CLSTN2: variants seen among roughly 807,000 people sequenced by gnomAD.
CLSTN2 encodes the protein calsyntenin 2, also known as calsyntenin-2.
Under a neutral mutation model 101.2 loss-of-function variants are expected in CLSTN2, and 48 were observed. The ratio of observed to expected loss-of-function variants is 0.47; its 90% CI spans 0.38 to 0.60. CLSTN2 has a LOEUF of 0.60. Ranked by LOEUF, CLSTN2 falls within the 20% of genes least tolerant of loss-of-function variation. The pLI is 0.00. For missense variants in CLSTN2, 1,160 were observed against 1,238.2 expected (o/e 0.94, Z 0.95); for synonymous variants, 481 against 463.6 (o/e 1.04, Z -0.48).
chr3:140,014,588 G>A (rs2007157499), intron 1 of CLSTN2, among the ~76,000 whole-genome samples: 1 of 152,104 alleles, frequency 6.6e-6, no homozygotes, highest in Admixed American at 6.5e-5. Context: ...AGAAGAAGAT[G>A]AGCAAGTGGG....
chr3:140,524,663 C>T (rs140236397), intron 8 of CLSTN2, among the ~76,000 whole-genome samples: 117 of 152,240 alleles, frequency 7.7e-4, no homozygotes, highest in African/African-American at 2.5e-3. Flanking sequence ...GCACATGGAA[C>T]GTATTCTAAG....
chr3:140,439,686 G>A lies in CLSTN2; in HGVS notation c.788-8833G>A, dbSNP rs867261126. 3.3e-5 allele frequency among the ~76,000 whole-genome samples: 5 copies of A among 152,260 alleles called. No individual in the cohort carries two copies. The South Asian group carries it at 6.2e-4, about 19-fold the overall frequency. ...ACATTTCAATTCAGGTGGGTGGGGG[G>A]TGTGCACACATACACAGCACACACA... On this transcript the variant is annotated intron_variant, in intron 5 of 16. Transcript: ENST00000458420.
intron 1 of CLSTN2, among the ~76,000 whole-genome samples, chr3:140,082,015 T>C (rs2008606942): frequency 6.6e-6 from 1 of 152,202 alleles, no homozygotes; most frequent in Non-Finnish European, 1.5e-5. Flanking sequence ...AGGGCATTTC[T>C]CTCCAGCTTT....
At position 140,530,944 on chromosome 3, in the gene CLSTN2, C is replaced by A. The variant is rs149191598; in HGVS notation, c.1345-1380C>A. ...CTATCCTTGATTGCAAACCCCAAGC[C>A]CAGGGTGCTCCTACCTCTTTGGGTT... On this transcript the variant is annotated intron_variant, in intron 8 of 16. Transcript: ENST00000458420. Among the ~76,000 whole-genome samples, 585 of 152,310 alleles carry A rather than the reference C, an allele frequency of 3.8e-3. 2 individuals carry two copies. The highest frequency in any genetic ancestry group is 6.1e-3 in the Non-Finnish European group (414 of 68,022).
chr3:140,546,745 G>A lies in CLSTN2; in HGVS notation c.1674+64G>A, dbSNP rs59364093. The A allele has an allele frequency of 4.4e-4, 601 of 1,381,154 alleles. 5 individuals are homozygous for A. The African/African-American group carries it at 8.0e-3, about 18-fold the overall frequency. 85.6% of individuals were successfully genotyped at this position (1,381,154 alleles called of 1,614,324 possible). ...ATTCATGATGCCCAGCCTGCACAGC[G>A]CCAGCACACGCCAGGAAATGGAGCT... is the stretch of plus-strand genomic sequence containing the variant. On this transcript the variant is annotated intron_variant, in intron 10 of 16. Coordinates refer to ENST00000458420, the MANE Select transcript of CLSTN2 (RefSeq NM_022131.3).
At chr3:140,123,147 G>A (rs1187896236) in intron 1 of CLSTN2, among the ~76,000 whole-genome samples, 1 of 122,592 alleles carries the variant, frequency 8.2e-6, no homozygotes, top group Non-Finnish European at 1.6e-5. Flanking sequence ...ATGATACCTT[G>A]TTACTGTGTC....
chr3:140,547,814 C>A (rs1935627230), intron 10 of CLSTN2, among the ~76,000 whole-genome samples: 2 of 152,174 alleles, frequency 1.3e-5, no homozygotes, highest in Non-Finnish European at 2.9e-5. Context: ...TAGTGGACCC[C>A]AGTGTGAAAA....
intron 1 of CLSTN2, among the ~76,000 whole-genome samples, chr3:140,126,449 G>A (rs12233427): frequency 2.0e-5 from 3 of 151,840 alleles, no homozygotes; most frequent in African/African-American, 7.3e-5. Flanking sequence ...TCCTAGAAGA[G>A]TTTTGCACAT....
intron 1 of CLSTN2, among the ~76,000 whole-genome samples, chr3:139,955,452 G>A (rs1022515662): frequency 4.6e-5 from 7 of 152,064 alleles, no homozygotes; most frequent in South Asian, 2.1e-4. Context: ...ACAACTTAGC[G>A]AAACAGTGAC....
intron 1 of CLSTN2, among the ~76,000 whole-genome samples, chr3:139,995,911 C>G (rs2006641569): frequency 6.6e-6 from 1 of 152,160 alleles, no homozygotes; most frequent in Non-Finnish European, 1.5e-5. Context: ...TTGGATTAAT[C>G]ATAATTATTT....
At chr3:140,466,155 T>G (rs1576583515) in intron 7 of CLSTN2, among the ~76,000 whole-genome samples, 1 of 152,198 alleles carries the variant, frequency 6.6e-6, no homozygotes, top group Non-Finnish European at 1.5e-5. Context: ...GTGGTCACTG[T>G]TGTCACTGCT....
intron 8 of CLSTN2, among the ~76,000 whole-genome samples, chr3:140,530,003 G>GA (rs1326900151): frequency 6.6e-6 from 1 of 152,074 alleles, no homozygotes; most frequent in Non-Finnish European, 1.5e-5. Context: ...AACCTTTGCA[G>GA]AAAAAAACAT....
At chr3:139,936,305 C>T (rs1273700022) in intron 1 of CLSTN2, among the ~76,000 whole-genome samples, 1 of 152,108 alleles carries the variant, frequency 6.6e-6, no homozygotes, top group Non-Finnish European at 1.5e-5. Context: ...GGGTCTGAAA[C>T]AGGAGGTCAC....
intron 2 of CLSTN2, among the ~76,000 whole-genome samples, chr3:140,366,219 A>C (rs1182930080): frequency 6.6e-6 from 1 of 152,140 alleles, no homozygotes; most frequent in Non-Finnish European, 1.5e-5. Flanking sequence ...CCTCCCAGAA[A>C]CTGCTGGCTA....
chr3:140,180,501 A>T (rs1394477794), intron 2 of CLSTN2, among the ~76,000 whole-genome samples: 1 of 152,224 alleles, frequency 6.6e-6, no homozygotes, highest in East Asian at 1.9e-4. Context: ...TTGAGTAATA[A>T]TGAAAATGCT....
At chr3:140,221,951 G>A (rs959474183) in intron 2 of CLSTN2, among the ~76,000 whole-genome samples, 2 of 152,058 alleles carry the variant, frequency 1.3e-5, no homozygotes, top group South Asian at 2.1e-4. Flanking sequence ...ATATGATACA[G>A]CAGTCCAACT....
intron 2 of CLSTN2, among the ~76,000 whole-genome samples, chr3:140,342,736 G>T (rs2087504499): frequency 6.6e-6 from 1 of 152,126 alleles, no homozygotes; most frequent in Non-Finnish European, 1.5e-5. Flanking sequence ...CCAGGAACTG[G>T]AATTGTCCAA....
intron 2 of CLSTN2, among the ~76,000 whole-genome samples, chr3:140,300,812 A>C (rs1481292701): frequency 1.3e-5 from 2 of 152,044 alleles, no homozygotes; most frequent in African/African-American, 4.8e-5. Context: ...CGATATATAT[A>C]TATGCATACA....
chr3:140,002,814 G>A (rs2006869525), intron 1 of CLSTN2, among the ~76,000 whole-genome samples: 1 of 152,112 alleles, frequency 6.6e-6, no homozygotes, highest in Non-Finnish European at 1.5e-5. Context: ...ATTTTGAAGA[G>A]ACTGTATTTT....
Sources: allele counts gnomAD v4.1 joint callset (sites outside exome capture counted in the v4.1 genomes callset), GRCh38; gene constraint gnomAD v4.1.1; transcripts MANE v1.5; gene names NCBI Gene and HGNC (gene_info 2026-07-23, HGNC 2026-07-21).